EVI5: variants seen among roughly 807,000 people sequenced by gnomAD.
EVI5 encodes the protein ecotropic viral integration site 5, also known as ecotropic viral integration site 5 protein homolog.
Under a neutral mutation model 112.0 loss-of-function variants are expected in EVI5, and 73 were observed. That is an observed-to-expected ratio of 0.65 (90% CI 0.54 to 0.79). EVI5 has a LOEUF of 0.79. EVI5 is among the 30% of genes least tolerant of loss of function. The pLI is 0.00. For missense variants in EVI5, 900 were observed against 968.8 expected (o/e 0.93, Z 0.94); for synonymous variants, 305 against 319.9 (o/e 0.95, Z 0.50).
At chr1:92,653,171 C>G (rs1662426134) in intron 13 of EVI5, among the ~76,000 whole-genome samples, 1 of 152,132 alleles carries the variant, frequency 6.6e-6, no homozygotes, top group Non-Finnish European at 1.5e-5. Context: ...TGTACCCTGC[C>G]CAGGGAACCT....
At chr1:92,677,131 T>G in intron 10 of EVI5, 27 bp downstream of exon 10, 8 of 1,436,072 alleles carry the variant, frequency 5.6e-6, no homozygotes, top group Non-Finnish European at 7.8e-6. Flanking sequence ...AATCAATCAG[T>G]ACTTTAAAAA....
chr1:92,575,898 T>G (rs1290820872), intron 18 of EVI5, among the ~76,000 whole-genome samples: 1 of 152,118 alleles, frequency 6.6e-6, no homozygotes, highest in African/African-American at 2.4e-5. Flanking sequence ...TATCATATTG[T>G]TAATTTTTTG....
At chr1:92,736,690 A>G in intron 1 of EVI5, 63 bp from the exon 2 acceptor site, 1 of 1,051,228 alleles carries the variant, frequency 9.5e-7, no homozygotes, top group Non-Finnish European at 1.5e-6. Context: ...CGAGAACTTA[A>G]TAATTCTGTT....
intron 14 of EVI5, among the ~76,000 whole-genome samples, chr1:92,635,688 G>C (rs908597104): frequency 6.6e-6 from 1 of 152,150 alleles, no homozygotes; most frequent in Non-Finnish European, 1.5e-5. Flanking sequence ...ATCCCAATGA[G>C]ATGCACCTGG....
At chr1:92,599,134 G>A (rs933895431) in intron 18 of EVI5, among the ~76,000 whole-genome samples, 1 of 151,652 alleles carries the variant, frequency 6.6e-6, no homozygotes, top group Non-Finnish European at 1.5e-5. Flanking sequence ...ATAAAAATGA[G>A]TATTTCTTCA....
intron 19 of EVI5, among the ~76,000 whole-genome samples, chr1:92,550,813 T>TATATATATATAA (rs1346523555): frequency 4.0e-4 from 32 of 80,128 alleles, no homozygotes; most frequent in East Asian, 1.0e-3. Context: ...TATATATATA[T>TATATATATATAA]AACAAAAAAA....
At chr1:92,523,148 C>G (rs2101747903) in intron 19 of EVI5, among the ~76,000 whole-genome samples, 1 of 152,276 alleles carries the variant, frequency 6.6e-6, no homozygotes, top group Middle Eastern at 3.4e-3. Context: ...GCCTCAGACT[C>G]CCAGAGTGCT....
intron 5 of EVI5, among the ~76,000 whole-genome samples, chr1:92,701,606 C>T (rs2102528943): frequency 6.6e-6 from 1 of 152,152 alleles, no homozygotes; most frequent in East Asian, 1.9e-4. Flanking sequence ...ATCCTACCCC[C>T]GAATTCTGAA....
intron 16 of EVI5, among the ~76,000 whole-genome samples, chr1:92,608,721 G>A (rs201114532): frequency 3.4e-5 from 5 of 146,398 alleles, no homozygotes; most frequent in African/African-American, 5.0e-5. Context: ...AAAAGGAAAG[G>A]AAAAAAAAAA....
intron 18 of EVI5, among the ~76,000 whole-genome samples, chr1:92,578,642 C>T (rs974489967): frequency 2.6e-5 from 4 of 151,340 alleles, no homozygotes; most frequent in Admixed American, 2.0e-4. Flanking sequence ...GGCGTGAACC[C>T]GGAAGGCAGA....
chr1:92,720,595 C>T (rs866019217), intron 2 of EVI5, among the ~76,000 whole-genome samples: 10 of 152,192 alleles, frequency 6.6e-5, no homozygotes, highest in South Asian at 2.1e-4. Flanking sequence ...TAAGCAATAC[C>T]ATTCAGGACA....
rs532832598 is a variant in EVI5, at chr1:92,749,655, C to T, written c.-81-13028G>A. On this transcript the variant is annotated intron_variant, in intron 1 of 19. Coordinates refer to ENST00000684568, the MANE Select transcript of EVI5 (RefSeq NM_001350197.2). ...ACCTAGTTAAGCAGGAGAGTACTAACTACTGAATATGAGTATTCACTTAAT... is the reference window on the plus strand; with the variant it reads ...ACCTAGTTAAGCAGGAGAGTACTAATTACTGAATATGAGTATTCACTTAAT... 2.6e-5 allele frequency among the ~76,000 whole-genome samples: 4 copies of T among 152,100 alleles called. 1 individual carries two copies. Among genetic ancestry groups the T allele is most frequent in the African/African-American group, 9.6e-5 (4 of 41,494 alleles).
chr1:92,598,328 T>G (rs974090421), intron 18 of EVI5, among the ~76,000 whole-genome samples: 10 of 152,142 alleles, frequency 6.6e-5, no homozygotes, highest in African/African-American at 2.2e-4. Context: ...TGTAATAATA[T>G]GTACAACAAA....
At chr1:92,767,992 A>G (rs1356098239) in intron 1 of EVI5, among the ~76,000 whole-genome samples, 1 of 151,946 alleles carries the variant, frequency 6.6e-6, no homozygotes, top group African/African-American at 2.4e-5. Flanking sequence ...AGGAAAGAGA[A>G]TCACTTGAAC....
rs540994870 is a variant in EVI5, at chr1:92,540,773, C to T, written c.2166+22869G>A. On this transcript the variant is annotated intron_variant, in intron 19 of 19. Transcript: ENST00000684568. The stretch of plus-strand genomic sequence containing the variant: ...TTTTCCGTAAGTCTCATTTCCTTTT[C>T]CTATAAAAACAGAAGCTTGGCCAGG... 8.0e-4 allele frequency among the ~76,000 whole-genome samples: 121 copies of T among 152,128 alleles called. 1 individual carries two copies. Among genetic ancestry groups the T allele is most frequent in the African/African-American group, 2.8e-3 (116 of 41,492 alleles).
At chr1:92,650,319 T>C (rs1246977061) in intron 13 of EVI5, among the ~76,000 whole-genome samples, 1 of 152,230 alleles carries the variant, frequency 6.6e-6, no homozygotes, top group African/African-American at 2.4e-5. Context: ...ACGAGATAGA[T>C]TTTCACTTAT....
intron 13 of EVI5, among the ~76,000 whole-genome samples, chr1:92,641,478 T>G (rs1659957036): frequency 1.3e-5 from 2 of 152,204 alleles, no homozygotes; most frequent in Non-Finnish European, 1.5e-5. Context: ...AACTGATGGT[T>G]AATCTATTTT....
intron 13 of EVI5, among the ~76,000 whole-genome samples, chr1:92,643,352 T>G (rs553744538): frequency 9.6e-5 from 14 of 146,038 alleles, no homozygotes; most frequent in African/African-American, 3.3e-4. Flanking sequence ...CAATCTGGAG[T>G]GCAGTGGCAT....
At chr1:92,730,554 T>C (rs1269275169) in intron 2 of EVI5, among the ~76,000 whole-genome samples, 1 of 149,576 alleles carries the variant, frequency 6.7e-6, no homozygotes, top group Non-Finnish European at 1.5e-5. Flanking sequence ...TAGTGGTGCA[T>C]GCATGTAATT....
Sources: gnomAD v4.1 joint callset for allele counts (sites outside exome capture counted in the v4.1 genomes callset) on GRCh38, gnomAD v4.1.1 for gene constraint, MANE v1.5 for transcripts, NCBI Gene and HGNC (gene_info 2026-07-23, HGNC 2026-07-21) for gene names.